Variants in RORA observed in about 807,000 individuals in gnomAD.
RORA encodes RAR related orphan receptor A.
A neutral mutation model predicts 69.5 loss-of-function variants in RORA; 7 were observed. That is an observed-to-expected ratio of 0.10 (90% CI 0.06 to 0.19). The LOEUF (loss-of-function observed/expected upper bound fraction) is 0.19. Ranked by LOEUF, RORA falls within the 10% of genes least tolerant of loss-of-function variation. The pLI is 1.00. For synonymous variants in RORA, 261 were observed against 240.8 expected, an observed-to-expected ratio of 1.08 and a Z score of -0.78; for missense variants, 457 against 663.0, an observed-to-expected ratio of 0.69 and a Z score of 3.41.
At chr15:60,946,939 G>A (rs1303185689) in intron 1 of RORA, among the ~76,000 whole-genome samples, 1 of 151,760 alleles carries the variant, frequency 6.6e-6, no homozygotes, top group African/African-American at 2.4e-5. Flanking sequence ...GGGAGGTGAG[G>A]AGCGTCTCTG....
intron 1 of RORA, among the ~76,000 whole-genome samples, chr15:61,022,317 C>T (rs998614721): frequency 2.0e-5 from 3 of 152,138 alleles, no homozygotes; most frequent in Non-Finnish European, 4.4e-5. Flanking sequence ...TTAATTAATA[C>T]AAACATGTTC....
chr15:60,567,336 G>A lies in RORA; in HGVS notation c.197-35485C>T, dbSNP rs149889227. Reference sequence around the variant, plus strand: ...TGCCACACTCACACCACCTGCCTAGGGGCACTAAATGTTTGGGTTTGCACC... The same window carrying A: ...TGCCACACTCACACCACCTGCCTAGAGGCACTAAATGTTTGGGTTTGCACC... On this transcript the variant is annotated intron_variant, in intron 2 of 10. Transcript: ENST00000335670. Among the ~76,000 whole-genome samples, 30 of 151,916 alleles carry A rather than the reference G, an allele frequency of 2.0e-4. No homozygotes were observed. The East Asian group carries it at 5.0e-3, about 25-fold the overall frequency.
chr15:60,708,417 CAAA>C (rs568365743), intron 1 of RORA, among the ~76,000 whole-genome samples: 8 of 66,396 alleles, frequency 1.2e-4, no homozygotes, highest in Admixed American at 1.8e-4. Context: ...GACTCCGTCT[CAAA>C]AAAAAAAAAA....
chr15:60,672,432 A>G (rs1360333320), intron 2 of RORA, among the ~76,000 whole-genome samples: 1 of 152,200 alleles, frequency 6.6e-6, no homozygotes, highest in African/African-American at 2.4e-5. Flanking sequence ...TTTCATCTGT[A>G]AAGTGGGGAT....
chr15:61,087,966 C>T (rs1480817513), intron 1 of RORA, among the ~76,000 whole-genome samples: 1 of 152,242 alleles, frequency 6.6e-6, no homozygotes, highest in Non-Finnish European at 1.5e-5. Context: ...GGGATACGGC[C>T]TACGCCAGCT....
At chr15:60,843,580 T>C (rs1194103897) in intron 1 of RORA, among the ~76,000 whole-genome samples, 1 of 152,166 alleles carries the variant, frequency 6.6e-6, no homozygotes, top group Non-Finnish European at 1.5e-5. Flanking sequence ...CAAGATGAGT[T>C]ACAAGAGCAA....
At chr15:60,644,507 T>C (rs957293509) in intron 2 of RORA, among the ~76,000 whole-genome samples, 3 of 152,226 alleles carry the variant, frequency 2.0e-5, no homozygotes, top group Non-Finnish European at 4.4e-5. Context: ...ACATGGGATT[T>C]CTCTTTTTAA....
At chr15:61,175,541 T>TAAATAAATAAA (rs61188463) in intron 1 of RORA, among the ~76,000 whole-genome samples, 1 of 120,214 alleles carries the variant, frequency 8.3e-6, no homozygotes, top group Non-Finnish European at 1.7e-5. Context: ...ATCCTGTTTC[T>TAAATAAATAAA]AAAAAAAAAA....
At chr15:60,663,604 C>A (rs1050251941) in intron 2 of RORA, among the ~76,000 whole-genome samples, 1 of 152,140 alleles carries the variant, frequency 6.6e-6, no homozygotes, top group Non-Finnish European at 1.5e-5. Context: ...CACAGGCATA[C>A]GCCACCATAC....
At chr15:60,797,212 T>C (rs1441410927) in intron 1 of RORA, among the ~76,000 whole-genome samples, 4 of 152,064 alleles carry the variant, frequency 2.6e-5, no homozygotes, top group Non-Finnish European at 5.9e-5. Context: ...TGCATAACTT[T>C]GTGATTGTCC....
At position 61,084,543 on chromosome 15, in the gene RORA, G is replaced by A. The variant is rs116290425; in HGVS notation, c.166+144510C>T. Among the ~76,000 whole-genome samples, 791 of 152,278 alleles carry A rather than the reference G, an allele frequency of 5.2e-3. 6 individuals carry two copies. The highest frequency in any genetic ancestry group is 0.02 in the Middle Eastern group (6 of 294). On this transcript the variant is annotated intron_variant, in intron 1 of 10. Transcript: ENST00000335670. Reference sequence around the variant, plus strand: ...GGACTTGCTATATCTTCTTAGAAGCGAAGGAATATCTCTATGTATGTCTCT... The same window carrying A: ...GGACTTGCTATATCTTCTTAGAAGCAAAGGAATATCTCTATGTATGTCTCT...
chr15:60,680,017 CT>C (rs2070619790), intron 1 of RORA, among the ~76,000 whole-genome samples: 1 of 152,180 alleles, frequency 6.6e-6, no homozygotes, highest in Non-Finnish European at 1.5e-5. Context: ...TGAAGACTGT[CT>C]CACATGAAAA....
At chr15:60,968,389 T>C (rs1893617589) in intron 1 of RORA, among the ~76,000 whole-genome samples, 1 of 152,170 alleles carries the variant, frequency 6.6e-6, no homozygotes, top group South Asian at 2.1e-4. Context: ...ATTCAGGAAA[T>C]CTGGGGTGGG....
intron 1 of RORA, among the ~76,000 whole-genome samples, chr15:60,941,940 G>A (rs1346435479): frequency 6.6e-6 from 1 of 152,140 alleles, no homozygotes; most frequent in Non-Finnish European, 1.5e-5. Flanking sequence ...GATAATTGTT[G>A]ATCTTTGCAT....
chr15:61,068,428 G>A (rs1445246362), intron 1 of RORA, among the ~76,000 whole-genome samples: 1 of 152,020 alleles, frequency 6.6e-6, no homozygotes, highest in Non-Finnish European at 1.5e-5. Flanking sequence ...CTGATATTAC[G>A]GTCATTAACA....
At chr15:60,955,131 G>C (rs546668349) in intron 1 of RORA, among the ~76,000 whole-genome samples, 4 of 152,012 alleles carry the variant, frequency 2.6e-5, no homozygotes, top group Non-Finnish European at 4.4e-5. Flanking sequence ...GTGAAACCTC[G>C]CCTCTACTAA....
At chr15:60,995,794 T>C (rs1032156095) in intron 1 of RORA, among the ~76,000 whole-genome samples, 3 of 152,220 alleles carry the variant, frequency 2.0e-5, no homozygotes, top group Admixed American at 2.0e-4. Context: ...TATGTCCTCA[T>C]TGTTATGTCC....
intron 1 of RORA, among the ~76,000 whole-genome samples, chr15:60,862,967 A>G (rs2073449129): frequency 6.6e-6 from 1 of 152,144 alleles, no homozygotes; most frequent in Non-Finnish European, 1.5e-5. Flanking sequence ...CTGCTGTCCA[A>G]CTGTGTGGTT....
At chr15:61,217,221 T>A (rs1178269144) in intron 1 of RORA, among the ~76,000 whole-genome samples, 1 of 152,080 alleles carries the variant, frequency 6.6e-6, no homozygotes, top group African/African-American at 2.4e-5. Flanking sequence ...AGTAAAAACA[T>A]AAACTGTGGT....
Sources: allele counts gnomAD v4.1 joint callset (sites outside exome capture counted in the v4.1 genomes callset), GRCh38; gene constraint gnomAD v4.1.1; transcripts MANE v1.5; gene names NCBI Gene and HGNC (gene_info 2026-07-23, HGNC 2026-07-21).